NKAIN3: variants seen among roughly 807,000 people sequenced by gnomAD.
NKAIN3 encodes the protein sodium/potassium transporting ATPase interacting 3.
Under a neutral mutation model 30.2 loss-of-function variants are expected in NKAIN3, and 25 were observed. That is an observed-to-expected ratio of 0.83 (90% CI 0.60 to 1.16). NKAIN3 has a LOEUF of 1.16. Among genes scored for constraint, NKAIN3 ranks in the 50% most tolerant of loss-of-function variants. The pLI is 0.00. For missense variants in NKAIN3, 225 were observed against 254.1 expected (o/e 0.89, Z 0.78); for synonymous variants, 91 against 89.6 (o/e 1.02, Z -0.09).
chr8:62,311,471 A>G (rs1814428086), intron 1 of NKAIN3, among the ~76,000 whole-genome samples: 1 of 150,544 alleles, frequency 6.6e-6, no homozygotes, highest in Non-Finnish European at 1.5e-5. Flanking sequence ...AAAATTAGCA[A>G]TAGATCTTAA....
At chr8:62,867,873 T>G (rs2130796533) in intron 4 of NKAIN3, among the ~76,000 whole-genome samples, 1 of 152,386 alleles carries the variant, frequency 6.6e-6, no homozygotes, top group Non-Finnish European at 1.5e-5. Context: ...TCCCTTTGTT[T>G]TATGTGTATG....
chr8:62,484,098 G>A (rs1806824564), intron 1 of NKAIN3, among the ~76,000 whole-genome samples: 1 of 152,160 alleles, frequency 6.6e-6, no homozygotes, highest in Non-Finnish European at 1.5e-5. Context: ...CTCTGTACTG[G>A]CTTCCTGTGC....
intron 3 of NKAIN3, among the ~76,000 whole-genome samples, chr8:62,710,648 G>T (rs1814684536): frequency 6.6e-6 from 1 of 152,062 alleles, no homozygotes; most frequent in Admixed American, 6.6e-5. Context: ...GGCACCAAAT[G>T]GTTGGTGAGT....
chr8:62,434,846 A>G (rs888584715), intron 1 of NKAIN3, among the ~76,000 whole-genome samples: 3 of 152,208 alleles, frequency 2.0e-5, no homozygotes, highest in South Asian at 2.1e-4. Flanking sequence ...TAAGGAGCAT[A>G]GGAGTCCTGT....
intron 4 of NKAIN3, among the ~76,000 whole-genome samples, chr8:62,800,858 C>T (rs1393028082): frequency 1.3e-5 from 2 of 152,196 alleles, no homozygotes; most frequent in African/African-American, 4.8e-5. Flanking sequence ...GTTCCCTTTC[C>T]TAGTCAAAGA....
intron 3 of NKAIN3, among the ~76,000 whole-genome samples, chr8:62,711,061 G>T (rs563038421): frequency 6.6e-6 from 1 of 152,014 alleles, no homozygotes; most frequent in African/African-American, 2.4e-5. Context: ...CTGAAGATAG[G>T]CCCCCAACCT....
At chr8:62,363,925 G>A (rs184684340) in intron 1 of NKAIN3, among the ~76,000 whole-genome samples, 6 of 152,248 alleles carry the variant, frequency 3.9e-5, no homozygotes, top group South Asian at 4.1e-4. Flanking sequence ...TCAGTCCTTA[G>A]TCTCTTTCTA....
intron 1 of NKAIN3, among the ~76,000 whole-genome samples, chr8:62,434,979 T>G (rs1406440948): frequency 6.6e-6 from 1 of 152,098 alleles, no homozygotes; most frequent in African/African-American, 2.4e-5. Context: ...ATAAGCTCCC[T>G]TTCCTGAGCT....
rs1804451353 is a variant in NKAIN3, at chr8:62,416,628, A to G, written c.55-162911A>G. Among the ~76,000 whole-genome samples the G allele has an allele frequency of 2.0e-5, 3 of 152,192 alleles. No individual in the cohort carries two copies. The South Asian group carries it at 6.2e-4, about 31-fold the overall frequency. ...TCACATCATGTAAAGTGAGATATCCATCCCCTCAAGTATTTATCCTTTGTG... is the reference window on the plus strand; with the variant it reads ...TCACATCATGTAAAGTGAGATATCCGTCCCCTCAAGTATTTATCCTTTGTG... On this transcript the variant is annotated intron_variant, in intron 1 of 6. Coordinates refer to ENST00000623646, the MANE Select transcript of NKAIN3 (RefSeq NM_001304533.3).
At chr8:62,943,352 C>G (rs1406170775) in intron 5 of NKAIN3, among the ~76,000 whole-genome samples, 1 of 148,220 alleles carries the variant, frequency 6.7e-6, no homozygotes, top group Non-Finnish European at 1.5e-5. Flanking sequence ...CCACCTTACT[C>G]TTGCAAGAAT....
chr8:62,670,782 G>A (rs2130386231), intron 3 of NKAIN3, among the ~76,000 whole-genome samples: 1 of 152,044 alleles, frequency 6.6e-6, no homozygotes, highest in Middle Eastern at 3.4e-3. Context: ...AGAGGCAATG[G>A]TGGCAGATTT....
At chr8:62,313,673 A>G (rs963064822) in intron 1 of NKAIN3, among the ~76,000 whole-genome samples, 4 of 152,302 alleles carry the variant, frequency 2.6e-5, no homozygotes, top group Middle Eastern at 3.4e-3. Flanking sequence ...ATTTTGGGAA[A>G]TTTAAAAAAT....
chr8:62,881,775 T>C (rs556477414), intron 4 of NKAIN3, among the ~76,000 whole-genome samples: 122 of 152,346 alleles, frequency 8.0e-4, no homozygotes, highest in African/African-American at 2.9e-3. Flanking sequence ...CTGGATCATA[T>C]GGTAAGAATA....
chr8:62,653,964 A>G (rs1812697075), intron 3 of NKAIN3, among the ~76,000 whole-genome samples: 2 of 152,274 alleles, frequency 1.3e-5, no homozygotes, highest in South Asian at 4.1e-4. Context: ...CTTTAATAAT[A>G]TAATTCAAGG....
At chr8:62,353,028 G>T (rs1226093061) in intron 1 of NKAIN3, among the ~76,000 whole-genome samples, 1 of 152,148 alleles carries the variant, frequency 6.6e-6, no homozygotes, top group Non-Finnish European at 1.5e-5. Context: ...CAAACCAACA[G>T]TCTGCACTCC....
rs117756718 is a variant in NKAIN3, at chr8:62,507,559, A to G, written c.55-71980A>G. 5.9e-5 allele frequency among the ~76,000 whole-genome samples: 9 copies of G among 152,298 alleles called. No homozygotes were observed. The East Asian group carries it at 1.5e-3, about 26-fold the overall frequency. On this transcript the variant is annotated intron_variant, in intron 1 of 6. Transcript: ENST00000623646. ...TGACTCAGCCTTTTTGCCAAATGCT[A>G]TACCTTTCCAGAAGCCTTATAATTA...
chr8:62,278,279 C>T (rs1003364443), intron 1 of NKAIN3, among the ~76,000 whole-genome samples: 3 of 152,010 alleles, frequency 2.0e-5, no homozygotes, highest in Non-Finnish European at 4.4e-5. Flanking sequence ...GTCATCATAC[C>T]CTAGAATAAG....
chr8:62,315,445 A>G (rs1048796552), intron 1 of NKAIN3, among the ~76,000 whole-genome samples: 2 of 152,224 alleles, frequency 1.3e-5, no homozygotes, highest in African/African-American at 2.4e-5. Flanking sequence ...GTCCCTCAAT[A>G]GTTCATAGTA....
At position 62,705,546 on chromosome 8, in the gene NKAIN3, C is replaced by T. The variant is rs181726042; in HGVS notation, c.274-41386C>T. On this transcript the variant is annotated intron_variant, in intron 3 of 6. Transcript: ENST00000623646. ...CAATTATTTGTTGATAATCTTTTCC[C>T]TTCCATATTTTGTGTCCTTTGCCTT... Among the ~76,000 whole-genome samples the T allele has an allele frequency of 1.2e-3, 183 of 152,224 alleles. 1 individual carries two copies. Among genetic ancestry groups the T allele is most frequent in the African/African-American group, 3.9e-3 (164 of 41,562 alleles).
Sources: gnomAD v4.1 joint callset for allele counts (sites outside exome capture counted in the v4.1 genomes callset) on GRCh38, gnomAD v4.1.1 for gene constraint, MANE v1.5 for transcripts, NCBI Gene and HGNC (gene_info 2026-07-23, HGNC 2026-07-21) for gene names.